The following TCF12 variants were observed in gnomAD, a reference collection of about 807,000 sequenced individuals.
TCF12 encodes the protein transcription factor 12, also known as DNA-binding protein HTF4.
In TCF12, 45 loss-of-function variants were observed where a neutral mutation model predicts 86.0. That is an observed-to-expected ratio of 0.52 (90% CI 0.41 to 0.67). The LOEUF (loss-of-function observed/expected upper bound fraction) is 0.67, where lower values mean the gene tolerates loss of function less well. TCF12 is among the 30% of genes least tolerant of loss of function. The pLI, the probability that TCF12 is intolerant of heterozygous loss-of-function variation, is 0.00. For synonymous variants in TCF12, 330 were observed against 299.6 expected (o/e 1.10, Z -1.05); for missense variants, 881 against 859.9 (o/e 1.02, Z -0.31).
intron 3 of TCF12, among the ~76,000 whole-genome samples, chr15:56,922,790 G>C (rs1427211199): frequency 6.6e-6 from 1 of 151,784 alleles, no homozygotes; most frequent in Non-Finnish European, 1.5e-5. Flanking sequence ...TTTGAATTTG[G>C]GGAAGAGAAA....
At chr15:57,039,259 A>G (rs879819336) in intron 3 of TCF12, among the ~76,000 whole-genome samples, 6 of 152,198 alleles carry the variant, frequency 3.9e-5, no homozygotes, top group Non-Finnish European at 8.8e-5. Context: ...TTGAGAGGTC[A>G]TTACCTGATG....
chr15:57,075,796 T>TCTCTC (rs1567370337), intron 4 of TCF12, among the ~76,000 whole-genome samples: 10 of 26,076 alleles, frequency 3.8e-4, no homozygotes, highest in Middle Eastern at 0.028. Flanking sequence ...CTTTCTTTCT[T>TCTCTC]TCTTTCTTTC....
chr15:57,191,684 T>A (rs561488959), intron 6 of TCF12, among the ~76,000 whole-genome samples: 7 of 152,286 alleles, frequency 4.6e-5, no homozygotes, highest in Admixed American at 4.6e-4. Flanking sequence ...ACACCTGTAA[T>A]TCCAGCACTT....
chr15:57,159,807 A>C (rs1472091142), intron 5 of TCF12, among the ~76,000 whole-genome samples: 3 of 152,250 alleles, frequency 2.0e-5, no homozygotes, highest in Non-Finnish European at 4.4e-5. Context: ...AAAAATGAAC[A>C]GAAATAATGT....
At chr15:57,015,337 C>T (rs1218758255) in intron 3 of TCF12, among the ~76,000 whole-genome samples, 2 of 152,164 alleles carry the variant, frequency 1.3e-5, no homozygotes, top group African/African-American at 4.8e-5. Context: ...TAACATAGTG[C>T]TAAGTCTCCC....
chr15:57,097,199 T>C (rs1196244849), intron 5 of TCF12, among the ~76,000 whole-genome samples: 1 of 152,074 alleles, frequency 6.6e-6, no homozygotes, highest in Admixed American at 6.5e-5. Context: ...ATATGTAGAA[T>C]CACCATTTTC....
intron 8 of TCF12, among the ~76,000 whole-genome samples, chr15:57,215,379 CT>C: frequency 6.6e-6 from 1 of 152,248 alleles, no homozygotes; most frequent in Non-Finnish European, 1.5e-5. Context: ...ATCCTCACCC[CT>C]ACCTCCCTTG....
chr15:57,032,002 C>T (rs2066226248), intron 3 of TCF12, among the ~76,000 whole-genome samples: 1 of 152,098 alleles, frequency 6.6e-6, no homozygotes, highest in Non-Finnish European at 1.5e-5. Flanking sequence ...ATTTTTTACT[C>T]TATCCTCTCA....
intron 3 of TCF12, among the ~76,000 whole-genome samples, chr15:56,977,247 A>G (rs1390257169): frequency 2.0e-5 from 3 of 152,118 alleles, no homozygotes; most frequent in Admixed American, 6.6e-5. Flanking sequence ...TTTTTTAAAT[A>G]AAAGGCCAGG....
chr15:57,008,347 C>T (rs939783704), intron 3 of TCF12, among the ~76,000 whole-genome samples: 2 of 150,900 alleles, frequency 1.3e-5, no homozygotes, highest in African/African-American at 4.9e-5. Context: ...TATGGTAACT[C>T]CACTCACATT....
chr15:57,211,804 C>G (rs2058113079), intron 8 of TCF12, among the ~76,000 whole-genome samples: 1 of 152,120 alleles, frequency 6.6e-6, no homozygotes, highest in Non-Finnish European at 1.5e-5. Flanking sequence ...AAATACAAAA[C>G]TTAGCAGGGT....
At chr15:57,187,204 C>T (rs1276983850) in intron 6 of TCF12, among the ~76,000 whole-genome samples, 3 of 151,562 alleles carry the variant, frequency 2.0e-5, no homozygotes, top group African/African-American at 7.3e-5. Context: ...CTGACAAAAT[C>T]CAACACTCTT....
At chr15:56,919,513 C>G (rs112383184) in intron 1 of TCF12, 8,747 of 165,304 alleles carry the variant, frequency 0.053, 305 homozygotes, top group South Asian at 0.077. Context: ...TCGCTGGACG[C>G]CGAATTGCCC....
At chr15:56,955,036 C>T (rs1196829464) in intron 3 of TCF12, among the ~76,000 whole-genome samples, 1 of 152,128 alleles carries the variant, frequency 6.6e-6, no homozygotes, top group African/African-American at 2.4e-5. Flanking sequence ...TATGACCCAG[C>T]CATCCCATTA....
chr15:57,240,342 A>C (rs2059559417), intron 12 of TCF12, among the ~76,000 whole-genome samples: 1 of 152,230 alleles, frequency 6.6e-6, no homozygotes, highest in Admixed American at 6.5e-5. Context: ...CAGTGTAAGC[A>C]CTATGAAGAA....
chr15:57,049,603 C>T lies in TCF12; in HGVS notation c.149-14147C>T, dbSNP rs111293658. The stretch of plus-strand genomic sequence containing the variant: ...TATCAATAAACCATCATACATTTAT[C>T]CCCTTGGGTATCTATAGACATTAGG... On this transcript the variant is annotated intron_variant, in intron 3 of 20. Transcript: ENST00000333725. Among the ~76,000 whole-genome samples, 21 of 152,260 alleles carry T rather than the reference C, an allele frequency of 1.4e-4. 4 individuals are homozygous for T. The highest frequency in any genetic ancestry group is 5.1e-4 in the African/African-American group (21 of 41,550).
At chr15:56,943,249 C>T (rs1483596352) in intron 3 of TCF12, among the ~76,000 whole-genome samples, 1 of 152,132 alleles carries the variant, frequency 6.6e-6, no homozygotes, top group Non-Finnish European at 1.5e-5. Context: ...TGAGCCCATA[C>T]TGATTTTAGT....
At chr15:57,173,238 A>G (rs2055655538) in intron 6 of TCF12, among the ~76,000 whole-genome samples, 1 of 152,220 alleles carries the variant, frequency 6.6e-6, no homozygotes, top group Non-Finnish European at 1.5e-5. Context: ...ATATAACAAA[A>G]TGTGTTGGTG....
At position 57,288,051 on chromosome 15, in the gene TCF12, T is replaced by C. The variant is rs1435903736; in HGVS notation, c.*1906T>C. ...AAAACATTTGGCTTATTTTTCACTG[T>C]AGCTAGTCTTTTATACAATAATCTT... On this transcript the variant is annotated 3_prime_UTR_variant, in exon 21 of 21. Coordinates refer to ENST00000333725, the MANE Select transcript of TCF12 (RefSeq NM_207037.2). 2 of 152,664 alleles carry C rather than the reference T, an allele frequency of 1.3e-5. No individual in the cohort carries two copies. Among genetic ancestry groups the C allele is most frequent in the African/African-American group, 4.8e-5 (2 of 41,470 alleles). The allele number at this position is 152,664 out of a possible 1,614,324, so 9.5% of individuals were successfully genotyped here.
Sources: allele counts gnomAD v4.1 joint callset (sites outside exome capture counted in the v4.1 genomes callset), GRCh38; gene constraint gnomAD v4.1.1; transcripts MANE v1.5; gene names NCBI Gene and HGNC (gene_info 2026-07-23, HGNC 2026-07-21).